INPP4B: variants seen among roughly 807,000 people sequenced by gnomAD.
INPP4B encodes inositol polyphosphate 4-phosphatase type II.
A neutral mutation model predicts 122.5 loss-of-function variants in INPP4B; 55 were observed. The observed-to-expected ratio is 0.45, with a 90% CI of 0.36 to 0.56. The LOEUF is 0.56. INPP4B is among the 20% of genes least tolerant of loss of function. The pLI is 0.00. For missense variants in INPP4B, 1,000 were observed against 1,097.7 expected (o/e 0.91, Z 1.26); for synonymous variants, 403 against 388.7 (o/e 1.04, Z -0.43).
At chr4:142,275,474 T>C (rs1747949008) in intron 9 of INPP4B, among the ~76,000 whole-genome samples, 1 of 151,712 alleles carries the variant, frequency 6.6e-6, no homozygotes, top group Non-Finnish European at 1.5e-5. Context: ...CATCTAGACA[T>C]GTAAGCAGAA....
chr4:142,251,740 A>G (rs1732183718), intron 11 of INPP4B, among the ~76,000 whole-genome samples: 1 of 152,218 alleles, frequency 6.6e-6, no homozygotes, highest in Non-Finnish European at 1.5e-5. Flanking sequence ...ATCTGTGTGT[A>G]TAAACAGAGC....
At chr4:142,089,252 C>T (rs1778279530) in intron 23 of INPP4B, among the ~76,000 whole-genome samples, 1 of 152,092 alleles carries the variant, frequency 6.6e-6, no homozygotes, top group Non-Finnish European at 1.5e-5. Context: ...GAGCTTCTTT[C>T]TGAAGTCAGG....
At chr4:142,616,577 C>A (rs572942097) in intron 2 of INPP4B, among the ~76,000 whole-genome samples, 11 of 152,210 alleles carry the variant, frequency 7.2e-5, no homozygotes, top group Non-Finnish European at 1.2e-4. Flanking sequence ...ATTCTGGTGA[C>A]CATACATTTT....
At chr4:142,045,702 T>G (rs549652368) in intron 25 of INPP4B, among the ~76,000 whole-genome samples, 1 of 152,274 alleles carries the variant, frequency 6.6e-6, no homozygotes, top group East Asian at 1.9e-4. Context: ...TGTAATTAAA[T>G]AAGTTGGGAA....
At chr4:142,563,925 C>A (rs7665781) in intron 2 of INPP4B, among the ~76,000 whole-genome samples, 55,345 of 151,506 alleles carry the variant, frequency 0.37, 11,050 homozygotes, top group East Asian at 0.8. Context: ...AGCTGCCCAC[C>A]TACACATGGG....
At chr4:142,317,086 A>G (rs921118983) in intron 7 of INPP4B, among the ~76,000 whole-genome samples, 5 of 152,238 alleles carry the variant, frequency 3.3e-5, no homozygotes, top group Non-Finnish European at 5.9e-5. Flanking sequence ...GAAAGGCTTC[A>G]CAAAAGAGGT....
intron 3 of INPP4B, among the ~76,000 whole-genome samples, chr4:142,449,063 T>C (rs1018030880): frequency 6.6e-6 from 1 of 152,172 alleles, no homozygotes; most frequent in African/African-American, 2.4e-5. Context: ...AGGATGTCAG[T>C]ATGGTTTTGC....
intron 2 of INPP4B, among the ~76,000 whole-genome samples, chr4:142,720,761 ATCTCTCTCTCTCTCTCTCTCTC>A (rs1175727015): frequency 5.3e-5 from 2 of 37,582 alleles, no homozygotes; most frequent in African/African-American, 1.0e-4. Flanking sequence ...TATATATATA[ATCTCTCTCTCTCTCTCTCTCTC>A]TCTCTCTCTC....
chr4:142,644,209 A>T (rs1009097865), intron 2 of INPP4B, among the ~76,000 whole-genome samples: 5 of 150,908 alleles, frequency 3.3e-5, no homozygotes, highest in Non-Finnish European at 5.9e-5. Flanking sequence ...CAAAAAAAAA[A>T]TAAAATAAAA....
At chr4:142,739,248 C>T (rs78332673) in intron 1 of INPP4B, among the ~76,000 whole-genome samples, 4,134 of 152,100 alleles carry the variant, frequency 0.027, 77 homozygotes, top group Middle Eastern at 0.095. Flanking sequence ...GTACCCATAT[C>T]TTGATAGAAA....
chr4:142,591,911 T>C (rs931306085), intron 2 of INPP4B, among the ~76,000 whole-genome samples: 4 of 152,108 alleles, frequency 2.6e-5, no homozygotes, highest in African/African-American at 9.7e-5. Context: ...AAACTAGGGA[T>C]ATATGATGAT....
intron 2 of INPP4B, among the ~76,000 whole-genome samples, chr4:142,540,356 A>G (rs1580323281): frequency 6.6e-6 from 1 of 151,986 alleles, no homozygotes; most frequent in East Asian, 1.9e-4. Flanking sequence ...CCCAGGCTCA[A>G]TGAAACCTTC....
At chr4:142,648,190 T>C (rs116474301) in intron 2 of INPP4B, among the ~76,000 whole-genome samples, 1,753 of 152,322 alleles carry the variant, frequency 0.012, 31 homozygotes, top group African/African-American at 0.032. Flanking sequence ...CAGAAAAATA[T>C]GAAAGTGCCT....
chr4:142,681,743 G>C (rs1479633554), intron 2 of INPP4B, among the ~76,000 whole-genome samples: 1 of 151,818 alleles, frequency 6.6e-6, no homozygotes, highest in Non-Finnish European at 1.5e-5. Context: ...GTTAATAGTG[G>C]AAGAATAAGG....
intron 2 of INPP4B, among the ~76,000 whole-genome samples, chr4:142,487,948 T>C (rs755957439): frequency 2.6e-5 from 4 of 152,272 alleles, no homozygotes; most frequent in Non-Finnish European, 5.9e-5. Flanking sequence ...AGGATTTCAG[T>C]ACAATGTTGA....
In INPP4B at chr4:142,680,774, G is replaced by A. The variant is rs769353853; in HGVS notation, c.-191+45065C>T. ...CTGTCTCCCTATTTCTGTCTCCCAA[G>A]CATCTCATTTTGGCTTTGGGCTTAG... is the stretch of plus-strand genomic sequence containing the variant. On this transcript the variant is annotated intron_variant, in intron 2 of 25. Transcript: ENST00000262992. 1.8e-4 allele frequency among the ~76,000 whole-genome samples: 27 copies of A among 151,808 alleles called. 1 individual carries two copies. Among genetic ancestry groups the A allele is most frequent in the Non-Finnish European group, 1.5e-4 (10 of 67,882 alleles).
At position 142,260,492 on chromosome 4, in the gene INPP4B, C is replaced by G; in HGVS notation, c.688G>C (p.Val230Leu). 6.3e-7 allele frequency: 1 copy of G among 1,585,598 alleles called. No individual in the cohort carries two copies. The highest frequency in any genetic ancestry group is 2.2e-5 in the East Asian group (1 of 44,624). The stretch of plus-strand genomic sequence containing the variant: ...AAGTATTTAAAACTGAGTTACATAC[C>G]TGAATTCAAAAAAGGTAAGTTATCT... ...GKDNLPFLNSVLKNPVCKLYR... is the reference protein window; with the variant it reads ...GKDNLPFLNSLLKNPVCKLYR... The change falls in exon 11 of 26, where the codon GTG (valine) becomes CTG (leucine). Residue 230 changes from valine (V) to leucine (L), a missense_variant and splice_region_variant. Physicochemically the swap from Val to Leu is conservative, Grantham distance 32. Transcript: ENST00000262992.
At chr4:142,158,642 C>CT (rs1818469798) in intron 17 of INPP4B, among the ~76,000 whole-genome samples, 1 of 152,062 alleles carries the variant, frequency 6.6e-6, no homozygotes, top group Non-Finnish European at 1.5e-5. Flanking sequence ...TATTTGTTTA[C>CT]ATATTTTTAT....
rs202239255 is a variant in INPP4B at position 142,123,418 on chromosome 4, GA to G, written c.1894-4del. 132 of 1,577,978 alleles carry G rather than the reference GA, an allele frequency of 8.4e-5. No individual in the cohort carries two copies. The highest frequency in any genetic ancestry group is 5.1e-4 in the Middle Eastern group (3 of 5,878). On this transcript the variant is annotated splice_polypyrimidine_tract_variant and splice_region_variant and intron_variant, in intron 19 of 25. Coordinates refer to ENST00000262992, the MANE Select transcript of INPP4B (RefSeq NM_001101669.3). ...AAACCACAAACCAATCCAGCAAGCT[GA>G]AAAAAAAATATTGATGAGATTTACT...
Sources: gnomAD v4.1 joint callset for allele counts (sites outside exome capture counted in the v4.1 genomes callset) on GRCh38, gnomAD v4.1.1 for gene constraint, MANE v1.5 for transcripts, NCBI Gene and HGNC (gene_info 2026-07-23, HGNC 2026-07-21) for gene names.